Variants in DIAPH2 observed in about 807,000 individuals in gnomAD.
The protein encoded by DIAPH2 is protein diaphanous homolog 2.
DIAPH2 carries 35 observed loss-of-function variants against 92.7 expected under a neutral mutation model. That is an observed-to-expected ratio of 0.38 (90% CI 0.29 to 0.50). DIAPH2 has a LOEUF of 0.50. DIAPH2 is among the 20% of genes least tolerant of loss of function. The pLI, the probability that DIAPH2 is intolerant of heterozygous loss-of-function variation, is 0.94. For missense variants in DIAPH2, 701 were observed against 819.5 expected, an observed-to-expected ratio of 0.86 and a Z score of 1.77; for synonymous variants, 301 against 280.4, an observed-to-expected ratio of 1.07 and a Z score of -0.73.
At chrX:96,837,421 CTCTCTCTCTCTCTG>C (rs1449144971) in intron 4 of DIAPH2, among the ~76,000 whole-genome samples, 10 of 69,557 alleles carry the variant, frequency 1.4e-4, no homozygotes, top group South Asian at 7.4e-4. Flanking sequence ...CTCTCTCTCT[CTCTCTCTCTCTCTG>C]TGTGTGTGTG....
intron 24 of DIAPH2, among the ~76,000 whole-genome samples, chrX:97,351,598 A>G (rs932959128): frequency 5.1e-4 from 57 of 111,100 alleles, no homozygotes; most frequent in Non-Finnish European, 8.5e-4. Context: ...GGTGGATCAC[A>G]AGGTCAAGAG....
rs145155885 is a variant in DIAPH2, at chrX:96,845,590, A to G, written c.448-35989A>G. On this transcript the variant is annotated intron_variant, in intron 4 of 26. Transcript: ENST00000324765. ...GTTAATCCTAACACACAATTACTCT[A>G]TGTAGGGAAGCAGGAAACTCCATTT... Among the ~76,000 whole-genome samples the G allele has an allele frequency of 2.1e-4, 24 of 112,118 alleles. No individual in the cohort carries two copies. In the East Asian group the frequency reaches 5.9e-3, roughly 27 times the overall value.
intron 4 of DIAPH2, among the ~76,000 whole-genome samples, chrX:96,822,957 A>G (rs1308066852): frequency 1.8e-5 from 2 of 112,142 alleles, no homozygotes; most frequent in African/African-American, 3.2e-5. Context: ...TATGATGTGC[A>G]TGGTGTATAT....
intron 23 of DIAPH2, among the ~76,000 whole-genome samples, chrX:97,305,238 A>T (rs1359389359): frequency 8.9e-6 from 1 of 111,819 alleles, no homozygotes; most frequent in Non-Finnish European, 1.9e-5. Flanking sequence ...CATGCCTGTA[A>T]TCCCATCACT....
intron 17 of DIAPH2, among the ~76,000 whole-genome samples, chrX:96,973,688 CTTTTTTTTTTTT>C (rs1169211955): frequency 6.4e-5 from 3 of 46,692 alleles, no homozygotes; most frequent in South Asian, 1.8e-3. Flanking sequence ...TGAATATTTG[CTTTTTTTTTTTT>C]TTTTTTTTTT....
intron 23 of DIAPH2, among the ~76,000 whole-genome samples, chrX:97,254,717 ATTTTATTTAT>A (rs889808100): frequency 9.3e-6 from 1 of 107,043 alleles, no homozygotes; most frequent in African/African-American, 3.5e-5. Context: ...ATTTTATTTT[ATTTTATTTAT>A]TTTATTTTAT....
At chrX:97,292,835 T>A (rs1298725664) in intron 23 of DIAPH2, among the ~76,000 whole-genome samples, 2 of 112,004 alleles carry the variant, frequency 1.8e-5, no homozygotes, top group African/African-American at 6.5e-5. Context: ...TTATATTAAA[T>A]GTTATAAGTT....
chrX:97,571,988 T>G (rs1024333963), intron 26 of DIAPH2, among the ~76,000 whole-genome samples: 4 of 111,504 alleles, frequency 3.6e-5, no homozygotes, highest in Non-Finnish European at 7.5e-5. Context: ...CTGTGCACTT[T>G]GTCAAATCAG....
At chrX:97,487,712 G>T (rs890959200) in intron 26 of DIAPH2, among the ~76,000 whole-genome samples, 3 of 111,392 alleles carry the variant, frequency 2.7e-5, no homozygotes, top group Admixed American at 9.5e-5. Context: ...TTGTATAAGG[G>T]TTCCAATTTC....
At chrX:96,749,447 A>G (rs1417855220) in intron 3 of DIAPH2, among the ~76,000 whole-genome samples, 1 of 110,749 alleles carries the variant, frequency 9.0e-6, no homozygotes, top group East Asian at 2.8e-4. Flanking sequence ...TTTTATTTTG[A>G]TATTTGGTTT....
intron 26 of DIAPH2, among the ~76,000 whole-genome samples, chrX:97,573,532 G>C (rs1391107652): frequency 9.0e-6 from 1 of 111,169 alleles, no homozygotes; most frequent in Non-Finnish European, 1.9e-5. Flanking sequence ...TCACTGGATA[G>C]TTTGGGGAGA....
chrX:97,550,489 A>G (rs2071212211), intron 26 of DIAPH2, among the ~76,000 whole-genome samples: 1 of 112,299 alleles, frequency 8.9e-6, no homozygotes, highest in Admixed American at 9.4e-5. Context: ...CTCTTAAGCT[A>G]AGAACATTTA....
chrX:96,991,281 A>C (rs2066068301), intron 17 of DIAPH2, among the ~76,000 whole-genome samples: 1 of 109,380 alleles, frequency 9.1e-6, no homozygotes, highest in African/African-American at 3.3e-5. Flanking sequence ...TGTCTCGCTA[A>C]ATTTTTTTGT....
chrX:97,060,360 T>C (rs1271928265), intron 17 of DIAPH2, among the ~76,000 whole-genome samples: 1 of 112,730 alleles, frequency 8.9e-6, no homozygotes, highest in Non-Finnish European at 1.9e-5. Context: ...GCTTCTTACC[T>C]GGCTATTATC....
chrX:96,863,819 T>C (rs765706467), intron 4 of DIAPH2, among the ~76,000 whole-genome samples: 1 of 111,689 alleles, frequency 9.0e-6, no homozygotes, highest in Non-Finnish European at 1.9e-5. Flanking sequence ...CCCAGCACTT[T>C]GGGAGGCCAA....
At chrX:96,754,479 A>T (rs1335625502) in intron 3 of DIAPH2, among the ~76,000 whole-genome samples, 2 of 111,697 alleles carry the variant, frequency 1.8e-5, no homozygotes, top group East Asian at 5.6e-4. Context: ...ATTTTAAAAG[A>T]GAAGAAAAAA....
At chrX:97,413,125 T>A (rs1309133083) in intron 25 of DIAPH2, among the ~76,000 whole-genome samples, 3 of 111,453 alleles carry the variant, frequency 2.7e-5, no homozygotes, top group Non-Finnish European at 5.6e-5. Context: ...TAGACCAATA[T>A]CCCTGATGAA....
At chrX:97,390,555 T>G (rs1328069986) in intron 25 of DIAPH2, among the ~76,000 whole-genome samples, 1 of 109,914 alleles carries the variant, frequency 9.1e-6, no homozygotes, top group African/African-American at 3.3e-5. Flanking sequence ...TTTTTTGAGA[T>G]GGAGTCTTGC....
At chrX:97,450,583 G>T in intron 26 of DIAPH2, among the ~76,000 whole-genome samples, 1 of 110,949 alleles carries the variant, frequency 9.0e-6, no homozygotes, top group South Asian at 3.9e-4. Context: ...GGCTGTTTTC[G>T]GTCTGAGACT....
Sources: gnomAD v4.1 joint callset for allele counts (sites outside exome capture counted in the v4.1 genomes callset) on GRCh38, gnomAD v4.1.1 for gene constraint, MANE v1.5 for transcripts, NCBI Gene and HGNC (gene_info 2026-07-23, HGNC 2026-07-21) for gene names.